The following PACC1 variants were observed in gnomAD, a reference collection of about 807,000 sequenced individuals.
PACC1 encodes the protein proton activated chloride channel 1.
Under a neutral mutation model 39.7 loss-of-function variants are expected in PACC1, and 34 were observed. That is an observed-to-expected ratio of 0.86 (90% confidence interval 0.65 to 1.14). The LOEUF (loss-of-function observed/expected upper bound fraction) is 1.14. PACC1 is among the 50% of genes most tolerant of loss of function. The pLI is 0.00. For synonymous variants in PACC1, 127 were observed against 160.6 expected (o/e 0.79, Z 1.58); for missense variants, 379 against 436.4 (o/e 0.87, Z 1.17).
intron 7 of PACC1, among the ~76,000 whole-genome samples, chr1:212,368,925 G>A (rs1437703972): frequency 1.3e-5 from 2 of 151,806 alleles, no homozygotes; most frequent in African/African-American, 2.4e-5. Context: ...CCAGCTACTC[G>A]GGAGGCTGAG....
chr1:212,369,344 G>A (rs1660360732), intron 7 of PACC1, among the ~76,000 whole-genome samples: 2 of 152,172 alleles, frequency 1.3e-5, no homozygotes, highest in Non-Finnish European at 2.9e-5. Flanking sequence ...AATAGCCGTA[G>A]TAAGTCCTTC....
intron 7 of PACC1, among the ~76,000 whole-genome samples, chr1:212,366,300 CTT>C (rs35052406): frequency 0.016 from 1,724 of 107,288 alleles, 21 homozygotes; most frequent in African/African-American, 0.05. Context: ...GGTAAGAATA[CTT>C]TTTTTTTTTT....
chr1:212,414,112 C>T, intron 1 of PACC1: 1 of 1,500,176 alleles, frequency 6.7e-7, no homozygotes, highest in Non-Finnish European at 8.9e-7. Context: ...AGACAAAGAA[C>T]TGGAAAGTGA....
chr1:212,381,285 A>G (rs1049926181), intron 4 of PACC1, among the ~76,000 whole-genome samples: 3 of 152,222 alleles, frequency 2.0e-5, no homozygotes, highest in Non-Finnish European at 2.9e-5. Flanking sequence ...TGAACCTCTT[A>G]TCAATATTAA....
At chr1:212,412,579 G>C (rs1662176253) in intron 1 of PACC1, among the ~76,000 whole-genome samples, 1 of 152,240 alleles carries the variant, frequency 6.6e-6, no homozygotes, top group Admixed American at 6.5e-5. Context: ...CTCCAGAACA[G>C]GCCTCTGAAG....
intron 1 of PACC1, among the ~76,000 whole-genome samples, chr1:212,411,003 G>A (rs901252149): frequency 6.6e-6 from 1 of 152,188 alleles, no homozygotes; most frequent in African/African-American, 2.4e-5. Context: ...CGTCTTGAAG[G>A]ACACCAGCCA....
At chr1:212,377,765 G>A (rs1660721957) in intron 5 of PACC1, 59 bp from the exon 6 acceptor site, 17 of 1,589,882 alleles carry the variant, frequency 1.1e-5, no homozygotes, top group East Asian at 4.5e-5. Context: ...AGCAGGAGTC[G>A]AAGCCCCCAC....
intron 2 of PACC1, among the ~76,000 whole-genome samples, chr1:212,391,458 G>A (rs889155899): frequency 6.6e-6 from 1 of 152,130 alleles, no homozygotes; most frequent in African/African-American, 2.4e-5. Context: ...TATCATCAAA[G>A]ACCAAAGGTA....
intron 2 of PACC1, among the ~76,000 whole-genome samples, chr1:212,393,625 T>A (rs2102514484): frequency 6.6e-6 from 1 of 152,148 alleles, no homozygotes; most frequent in Non-Finnish European, 1.5e-5. Context: ...AAAAAACGCT[T>A]CAAAATATCA....
intron 1 of PACC1, among the ~76,000 whole-genome samples, chr1:212,411,743 T>C (rs1388612646): frequency 2.0e-5 from 3 of 152,190 alleles, no homozygotes; most frequent in Admixed American, 1.3e-4. Context: ...GTGAAAAACA[T>C]CTCTTACGAA....
intron 5 of PACC1, among the ~76,000 whole-genome samples, chr1:212,377,986 C>T (rs1190738513): frequency 6.6e-6 from 1 of 152,200 alleles, no homozygotes; most frequent in Non-Finnish European, 1.5e-5. Context: ...AAATCTTCCT[C>T]CCTCCTCCCA....
intron 7 of PACC1, among the ~76,000 whole-genome samples, chr1:212,373,907 G>A (rs1428806883): frequency 1.3e-5 from 2 of 152,100 alleles, no homozygotes; most frequent in South Asian, 4.1e-4. Context: ...CTGTTGGTGG[G>A]AATGTAATAA....
intron 7 of PACC1, among the ~76,000 whole-genome samples, chr1:212,372,698 C>T (rs527585992): frequency 1.3e-5 from 2 of 151,770 alleles, no homozygotes; most frequent in Non-Finnish European, 1.5e-5. Flanking sequence ...ATGCTAACAG[C>T]GAGCAATCTA....
Position 212,365,213 on chromosome 1 carries a change from C to T in PACC1, c.*2G>A. 6.2e-7 allele frequency: 1 copy of T among 1,612,714 alleles called. No individual in the cohort carries two copies. The highest frequency in any genetic ancestry group is 8.5e-7 in the Non-Finnish European group (1 of 1,179,448). ...CAGTTCTCTAAACAACGCGAGGTGA[C>T]TTCAGCTTATGTGGCTCGTTGCCTG... On this transcript the variant is annotated 3_prime_UTR_variant, in exon 8 of 8. Transcript: ENST00000261455.
At chr1:212,397,940 T>C (rs77852056) in intron 2 of PACC1, among the ~76,000 whole-genome samples, 1,937 of 152,360 alleles carry the variant, frequency 0.013, 27 homozygotes, top group Non-Finnish European at 0.017. Flanking sequence ...GCAGCTTTGC[T>C]ACTAACTACT....
chr1:212,395,982 G>A (rs1273606722), intron 2 of PACC1, among the ~76,000 whole-genome samples: 1 of 152,220 alleles, frequency 6.6e-6, no homozygotes, highest in African/African-American at 2.4e-5. Flanking sequence ...CTTTTACACT[G>A]TTGGTGGGAC....
At chr1:212,391,331 G>T (rs915563269) in intron 2 of PACC1, among the ~76,000 whole-genome samples, 6 of 152,128 alleles carry the variant, frequency 3.9e-5, no homozygotes, top group Non-Finnish European at 8.8e-5. Flanking sequence ...AGGCAAACAG[G>T]GTCTGGAGTG....
At chr1:212,380,254 C>CT (rs1660829095) in intron 4 of PACC1, among the ~76,000 whole-genome samples, 1 of 152,224 alleles carries the variant, frequency 6.6e-6, no homozygotes, top group African/African-American at 2.4e-5. Context: ...AGCTCATCCT[C>CT]TGTCCACTTT....
At chr1:212,413,479 C>T (rs1478378104) in intron 1 of PACC1, among the ~76,000 whole-genome samples, 5 of 152,210 alleles carry the variant, frequency 3.3e-5, no homozygotes, top group Non-Finnish European at 7.3e-5. Flanking sequence ...GTCTGGAAAG[C>T]GGACCCCTAT....
Sources: allele counts gnomAD v4.1 joint callset (sites outside exome capture counted in the v4.1 genomes callset), GRCh38; gene constraint gnomAD v4.1.1; transcripts MANE v1.5; gene names NCBI Gene and HGNC (gene_info 2026-07-23, HGNC 2026-07-21).